Variants in SHISAL2A observed in about 807,000 individuals in gnomAD.
SHISAL2A encodes the protein protein shisa-like-2A.
SHISAL2A carries 18 observed loss-of-function variants against 11.5 expected under a neutral mutation model. The observed-to-expected ratio is 1.57, with a 90% CI of 1.08 to 2.33. The LOEUF (loss-of-function observed/expected upper bound fraction) is 2.33, where lower values mean the gene tolerates loss of function less well. Among genes scored for constraint, SHISAL2A ranks in the 30% most tolerant of loss-of-function variants. SHISAL2A has a pLI of 0.00. For synonymous variants in SHISAL2A, 94 were observed against 99.6 expected (o/e 0.94, Z 0.34); for missense variants, 261 against 250.9 (o/e 1.04, Z -0.27).
chr1:52,668,674 A>G (rs970556054), exon 6 of SHISAL2A: 1 of 152,010 alleles, frequency 6.6e-6, no homozygotes, highest in African/African-American at 2.4e-5. Context: ...CCGTTACCCC[A>G]ACTCCTCCCC....
intron 2 of SHISAL2A, among the ~76,000 whole-genome samples, chr1:52,644,165 G>A (rs983123361): frequency 6.6e-6 from 1 of 152,158 alleles, no homozygotes; most frequent in Non-Finnish European, 1.5e-5. Flanking sequence ...GTATGTGCAA[G>A]TATATAACTA....
chr1:52,648,795 G>A (rs919837370), intron 2 of SHISAL2A, among the ~76,000 whole-genome samples: 3 of 152,100 alleles, frequency 2.0e-5, no homozygotes, highest in Non-Finnish European at 4.4e-5. Flanking sequence ...AGGACTGTGG[G>A]ATGTTCTGGC....
chr1:52,646,784 A>AT (rs1691510896), intron 2 of SHISAL2A, among the ~76,000 whole-genome samples: 2 of 151,622 alleles, frequency 1.3e-5, no homozygotes, highest in African/African-American at 2.4e-5. Flanking sequence ...TGGTTTTTGT[A>AT]TTTTTTTATT....
chr1:52,644,185 T>C (rs1691439439), intron 2 of SHISAL2A, among the ~76,000 whole-genome samples: 1 of 152,170 alleles, frequency 6.6e-6, no homozygotes, highest in African/African-American at 2.4e-5. Flanking sequence ...AAGCACAAAA[T>C]TGTTTGATAC....
At chr1:52,654,391 A>T (rs936839047) in intron 2 of SHISAL2A, among the ~76,000 whole-genome samples, 1 of 152,224 alleles carries the variant, frequency 6.6e-6, no homozygotes, top group African/African-American at 2.4e-5. Context: ...CAATTTTAAG[A>T]CTTATTGTAT....
intron 4 of SHISAL2A, among the ~76,000 whole-genome samples, chr1:52,666,059 C>A (rs1485449978): frequency 6.6e-6 from 1 of 152,186 alleles, no homozygotes; most frequent in Admixed American, 6.5e-5. Flanking sequence ...AGAGAATATC[C>A]CAGCCCTTCT....
At chr1:52,664,379 G>T (rs934600739) in intron 4 of SHISAL2A, among the ~76,000 whole-genome samples, 1 of 144,194 alleles carries the variant, frequency 6.9e-6, no homozygotes, top group Non-Finnish European at 1.5e-5. Context: ...TTTTGAAACC[G>T]AGTTTTGCTC....
chr1:52,653,078 T>C (rs1456024467), intron 2 of SHISAL2A, among the ~76,000 whole-genome samples: 1 of 137,142 alleles, frequency 7.3e-6, no homozygotes, highest in East Asian at 2.1e-4. Flanking sequence ...TAACAAAAAA[T>C]TAGAAACCCA....
chr1:52,666,840 G>C (rs561612861), intron 4 of SHISAL2A, among the ~76,000 whole-genome samples: 68 of 152,226 alleles, frequency 4.5e-4, no homozygotes, highest in Non-Finnish European at 4.7e-4. Flanking sequence ...CACGGCCAAA[G>C]TCCTGCCATG....
rs184579880 is a variant in SHISAL2A at position 52,649,803 on chromosome 1, A to G, written c.322+6801A>G. ...GAGGTGATATCTAGGTACATTTAAT[A>G]AGATACTAAAACATTGGGGGGAAAA... On this transcript the variant is annotated intron_variant, in intron 2 of 2. Transcript: ENST00000517870. Among the ~76,000 whole-genome samples, 57 of 152,336 alleles carry G rather than the reference A, an allele frequency of 3.7e-4. 1 individual carries two copies. Among genetic ancestry groups the G allele is most frequent in the Admixed American group, 2.5e-3 (39 of 15,308 alleles).
rs187618198 is a variant in SHISAL2A, at chr1:52,663,562, A to G, written n.696-3837A>G. ...GATCACCTAAGGTCATGAGGTCGAG[A>G]CCAGCCTGGCCAACATGGTGAAACC... On this transcript the variant is annotated intron_variant and non_coding_transcript_variant, in intron 4 of 5. Coordinates refer to the SHISAL2A transcript ENST00000401050. 4.9e-3 allele frequency among the ~76,000 whole-genome samples: 747 copies of G among 152,182 alleles called. 1 individual carries two copies. The highest frequency in any genetic ancestry group is 8.1e-3 in the Non-Finnish European group (549 of 68,008).
rs1691183265 is a variant in SHISAL2A, at chr1:52,633,752, C to T, written c.182+77C>T. On this transcript the variant is annotated intron_variant, in intron 1 of 2. Transcript: ENST00000517870. The surrounding 1 kb of genome is among the most constrained non-coding windows in gnomAD (Gnocchi z 6.4). ...CTTCACCCCAGCCTCAGCCCCCACC[C>T]GAGTGTCCACCTGAACATCAGCAGC... 3.3e-6 allele frequency: 4 copies of T among 1,227,194 alleles called. No individual in the cohort carries two copies. The East Asian group carries it at 7.8e-5, about 24-fold the overall frequency. 76.0% of individuals were successfully genotyped at this position (1,227,194 alleles called of 1,614,324 possible).
In SHISAL2A at chr1:52,642,925, C is replaced by G. The variant is rs200885042; in HGVS notation, c.245C>G (p.Ala82Gly). The change falls in exon 2 of 3, where the codon GCC becomes GGC. Residue 82 changes from alanine (A) to glycine (G), a missense_variant. Ala to Gly is a moderately conservative substitution (Grantham distance 60). Transcript: ENST00000517870. ...GTTCTTCTCGCCTTCATTGTTACCGCCTGTGTGCTCTGCTACCTGTTCATC... is the reference window on the plus strand; with the variant it reads ...GTTCTTCTCGCCTTCATTGTTACCGGCTGTGTGCTCTGCTACCTGTTCATC... ...AVVLLAFIVT[A>G]CVLCYLFISS... is the part of the protein sequence containing the mutation. 2.9e-5 allele frequency: 47 copies of G among 1,614,058 alleles called. No individual in the cohort carries two copies. The highest frequency in any genetic ancestry group is 1.7e-4 in the Middle Eastern group (1 of 6,012).
chr1:52,640,457 G>T (rs1691337670), intron 1 of SHISAL2A, among the ~76,000 whole-genome samples: 1 of 152,114 alleles, frequency 6.6e-6, no homozygotes, highest in Admixed American at 6.5e-5. Context: ...ACAATGGGAG[G>T]ATAAGGCTGA....
chr1:52,637,379 G>A (rs144693794), intron 1 of SHISAL2A, among the ~76,000 whole-genome samples: 83 of 152,298 alleles, frequency 5.4e-4, no homozygotes, highest in Middle Eastern at 3.4e-3. Context: ...TGTAAATTCC[G>A]TTTGGCCCTT....
chr1:52,651,798 A>G (rs1408187517), intron 2 of SHISAL2A, among the ~76,000 whole-genome samples: 1 of 152,228 alleles, frequency 6.6e-6, no homozygotes, highest in Non-Finnish European at 1.5e-5. Context: ...CAGAATGGAA[A>G]AAATTAGTAC....
chr1:52,635,982 T>C (rs1182373890), intron 1 of SHISAL2A, among the ~76,000 whole-genome samples: 1 of 152,270 alleles, frequency 6.6e-6, no homozygotes, highest in Non-Finnish European at 1.5e-5. Context: ...TAGGGCACTT[T>C]CACAACATTC....
At chr1:52,669,470 A>T (rs1297391665) in exon 6 of SHISAL2A, 1 of 152,074 alleles carries the variant, frequency 6.6e-6, no homozygotes, top group Admixed American at 6.5e-5. Context: ...GTTCGAGAAT[A>T]CCCTGGCCAA....
chr1:52,660,991 A>G (rs939085916), downstream of SHISAL2A, among the ~76,000 whole-genome samples: 10 of 152,224 alleles, frequency 6.6e-5, no homozygotes, highest in Non-Finnish European at 1.5e-5. Flanking sequence ...TTCTGGTACA[A>G]GATGAGGAAC....
Sources: allele counts gnomAD v4.1 joint callset (sites outside exome capture counted in the v4.1 genomes callset), GRCh38; gene constraint gnomAD v4.1.1; non-coding constraint Gnocchi (gnomAD v3.1); transcripts MANE v1.5; gene names NCBI Gene and HGNC (gene_info 2026-07-23, HGNC 2026-07-21).